PITPNC1: variants seen among roughly 807,000 people sequenced by gnomAD.
PITPNC1 encodes cytoplasmic phosphatidylinositol transfer protein 1.
A neutral mutation model predicts 44.7 loss-of-function variants in PITPNC1; 18 were observed. The observed-to-expected ratio is 0.40, with a 90% CI of 0.28 to 0.60. The LOEUF is 0.60. Ranked by LOEUF, PITPNC1 falls within the 20% of genes least tolerant of loss-of-function variation. The probability of loss-of-function intolerance (pLI) is 0.39; values close to 1 mark genes in which losing one functional copy is unlikely to be tolerated. For synonymous variants in PITPNC1, 141 were observed against 149.6 expected (o/e 0.94, Z 0.42); for missense variants, 290 against 418.4 (o/e 0.69, Z 2.68).
At chr17:67,665,647 C>T (rs1363410793) in intron 6 of PITPNC1, among the ~76,000 whole-genome samples, 1 of 152,108 alleles carries the variant, frequency 6.6e-6, no homozygotes, top group Non-Finnish European at 1.5e-5. Context: ...CAAATTTTGG[C>T]TAAGATTCTG....
In PITPNC1 at chr17:67,673,924, G is replaced by A. The variant is rs375693524; in HGVS notation, c.619-1555G>A. Among the ~76,000 whole-genome samples, 14 of 142,356 alleles carry A rather than the reference G, an allele frequency of 9.8e-5. No individual in the cohort carries two copies. The East Asian group carries it at 1.7e-3, about 17-fold the overall frequency. The allele number at this position is 142,356 out of a possible 152,430, so 93.4% of individuals were successfully genotyped here. A position where few individuals can be genotyped will look rare whatever the true frequency, so the allele number is the denominator to read the frequency against. Reference sequence around the variant, plus strand: ...CGAGATCGCAGTGAGCCGAGATGGCGCCACTGCACTCCAGCCTAGGGGACA... The same window carrying A: ...CGAGATCGCAGTGAGCCGAGATGGCACCACTGCACTCCAGCCTAGGGGACA... On this transcript the variant is annotated intron_variant, in intron 7 of 8. Coordinates refer to ENST00000581322, the MANE Select transcript of PITPNC1 (RefSeq NM_012417.4).
chr17:67,604,909 A>T (rs1276852048), intron 5 of PITPNC1, among the ~76,000 whole-genome samples: 1 of 151,994 alleles, frequency 6.6e-6, no homozygotes, highest in Non-Finnish European at 1.5e-5. Flanking sequence ...ATGAAGCCCC[A>T]TCTCTACTAA....
At chr17:67,398,093 C>CAA (rs534488396) in intron 1 of PITPNC1, among the ~76,000 whole-genome samples, 15 of 97,846 alleles carry the variant, frequency 1.5e-4, no homozygotes, top group East Asian at 4.0e-4. Flanking sequence ...ACTCCGTCTC[C>CAA]AAAAAAAAAA....
At chr17:67,380,769 CCTAA>C (rs1024218272) in intron 1 of PITPNC1, among the ~76,000 whole-genome samples, 21 of 152,130 alleles carry the variant, frequency 1.4e-4, no homozygotes, top group African/African-American at 5.1e-4. Flanking sequence ...ACTTTGGAAG[CCTAA>C]CTTTTTTTTT....
intron 2 of PITPNC1, among the ~76,000 whole-genome samples, chr17:67,547,410 G>A (rs2040699292): frequency 1.3e-5 from 2 of 152,144 alleles, no homozygotes; most frequent in African/African-American, 2.4e-5. Context: ...CAACTACCAG[G>A]GAGGCCAAGG....
At chr17:67,572,077 G>C (rs1452316621) in intron 4 of PITPNC1, among the ~76,000 whole-genome samples, 1 of 152,164 alleles carries the variant, frequency 6.6e-6, no homozygotes, top group Non-Finnish European at 1.5e-5. Context: ...CTGTTCCTTA[G>C]AGAGCACGGG....
chr17:67,483,803 A>C (rs1402327887), intron 1 of PITPNC1, among the ~76,000 whole-genome samples: 1 of 152,188 alleles, frequency 6.6e-6, no homozygotes, highest in African/African-American at 2.4e-5. Flanking sequence ...ATAGCTCTTA[A>C]ATTTCAAAAT....
chr17:67,635,806 C>T (rs2042025112), intron 6 of PITPNC1, among the ~76,000 whole-genome samples: 1 of 152,120 alleles, frequency 6.6e-6, no homozygotes, highest in South Asian at 2.1e-4. Flanking sequence ...GCCAAGAGAT[C>T]GAGTAGGAAG....
chr17:67,669,462 G>GGT, intron 6 of PITPNC1, 46 bp from the exon 7 acceptor site: 1 of 1,315,554 alleles, frequency 7.6e-7, no homozygotes. Flanking sequence ...TAATAATGAT[G>GGT]GTCAAACTTT....
intron 5 of PITPNC1, among the ~76,000 whole-genome samples, chr17:67,601,026 T>C (rs1447634268): frequency 6.6e-6 from 1 of 152,090 alleles, no homozygotes; most frequent in Non-Finnish European, 1.5e-5. Context: ...ATAAGAGTAA[T>C]TTACATGTGA....
intron 1 of PITPNC1, among the ~76,000 whole-genome samples, chr17:67,476,015 TCACTCTAATCAA>T (rs1464413731): frequency 6.6e-6 from 1 of 152,108 alleles, no homozygotes; most frequent in Non-Finnish European, 1.5e-5. Flanking sequence ...TATTAACTCC[TCACTCTAATCAA>T]AGAAGCTATG....
chr17:67,433,433 G>A (rs926548423), intron 1 of PITPNC1, among the ~76,000 whole-genome samples: 1 of 152,174 alleles, frequency 6.6e-6, no homozygotes, highest in African/African-American at 2.4e-5. Context: ...CCAGCCCCGG[G>A]CAGAAGATAG....
chr17:67,632,058 C>A, intron 5 of PITPNC1, 85 bp from the exon 6 acceptor site: 1 of 776,968 alleles, frequency 1.3e-6, no homozygotes, highest in Non-Finnish European at 2.3e-6. Flanking sequence ...TGAAGATGCT[C>A]TGTGTGGGGG....
chr17:67,433,504 C>T (rs1216052140), intron 1 of PITPNC1, among the ~76,000 whole-genome samples: 1 of 152,058 alleles, frequency 6.6e-6, no homozygotes, highest in Non-Finnish European at 1.5e-5. Flanking sequence ...TTTAGGAGGC[C>T]GAGGAGGGCG....
At chr17:67,518,095 T>C (rs2040280608) in intron 1 of PITPNC1, among the ~76,000 whole-genome samples, 1 of 152,222 alleles carries the variant, frequency 6.6e-6, no homozygotes, top group African/African-American at 2.4e-5. Flanking sequence ...AAGTAAACGC[T>C]GTAGGACTCG....
At chr17:67,571,390 T>C (rs2041055347) in intron 4 of PITPNC1, among the ~76,000 whole-genome samples, 1 of 152,138 alleles carries the variant, frequency 6.6e-6, no homozygotes, top group Non-Finnish European at 1.5e-5. Context: ...TGAGCTATAC[T>C]GCATTCAAGC....
chr17:67,406,559 T>C (rs1361913986), intron 1 of PITPNC1, among the ~76,000 whole-genome samples: 2 of 151,590 alleles, frequency 1.3e-5, no homozygotes, highest in African/African-American at 4.9e-5. Flanking sequence ...TTCATTCCTT[T>C]TCATGGCTTA....
chr17:67,441,569 C>T (rs946416503), intron 1 of PITPNC1, among the ~76,000 whole-genome samples: 2 of 152,116 alleles, frequency 1.3e-5, no homozygotes, highest in Non-Finnish European at 2.9e-5. Context: ...TTGTAAAAGG[C>T]GGATGGAAAC....
chr17:67,462,803 A>G (rs2039360942), intron 1 of PITPNC1, among the ~76,000 whole-genome samples: 2 of 150,814 alleles, frequency 1.3e-5, no homozygotes, highest in Non-Finnish European at 2.9e-5. Flanking sequence ...CCTGGGTTCA[A>G]GCGATTCTCC....
Sources: allele counts gnomAD v4.1 joint callset (sites outside exome capture counted in the v4.1 genomes callset), GRCh38; gene constraint gnomAD v4.1.1; transcripts MANE v1.5; gene names NCBI Gene and HGNC (gene_info 2026-07-23, HGNC 2026-07-21).